Variants in BTNL3 observed in about 807,000 individuals in gnomAD.
The protein encoded by BTNL3 is butyrophilin like 3.
In BTNL3, 20 loss-of-function variants were observed where a neutral mutation model predicts 40.1. That is an observed-to-expected ratio of 0.50 (90% confidence interval 0.35 to 0.72). The LOEUF is 0.72. Ranked by LOEUF, BTNL3 falls within the 30% of genes least tolerant of loss-of-function variation. BTNL3 has a pLI of 0.01. For synonymous variants in BTNL3, 179 were observed against 222.1 expected, an observed-to-expected ratio of 0.81 and a Z score of 1.73; for missense variants, 449 against 582.2, an observed-to-expected ratio of 0.77 and a Z score of 2.35.
At chr5:180,992,271 C>T (rs554240288) in intron 1 of BTNL3, among the ~76,000 whole-genome samples, 4 of 137,138 alleles carry the variant, frequency 2.9e-5, no homozygotes, top group Middle Eastern at 3.5e-3. Context: ...TGTGCTTCAG[C>T]GGAGAATATA....
At position 181,002,152 on chromosome 5, in the gene BTNL3, C is replaced by A. The variant is rs1005562572; in HGVS notation, c.674-520C>A. Among the ~76,000 whole-genome samples, 58 of 132,832 alleles carry A rather than the reference C, an allele frequency of 4.4e-4. 12 individuals are homozygous for A. The highest frequency in any genetic ancestry group is 8.9e-4 in the Non-Finnish European group (52 of 58,518). The allele number at this position is 132,832 out of a possible 152,430, so 87.1% of individuals were successfully genotyped here. On this transcript the variant is annotated intron_variant, in intron 3 of 7. Transcript: ENST00000342868. ...ATTAAGCCAATTAAAATTATTGGCACAGAGATAACCCTATGGATCAATGAG... is the reference window on the plus strand; with the variant it reads ...ATTAAGCCAATTAAAATTATTGGCAAAGAGATAACCCTATGGATCAATGAG...
Position 181,005,357 on chromosome 5 carries a change from A to T in BTNL3, c.886A>T (p.Thr296Ser), listed in dbSNP as rs1165400349. The T allele has an allele frequency of 6.2e-7, 1 of 1,611,700 alleles. No individual in the cohort carries two copies. The highest frequency in any genetic ancestry group is 8.5e-7 in the Non-Finnish European group (1 of 1,179,356). ...AGTGGAGGTGACTCTGGATCCAGAG[A>T]CGGCTCACCCGAAGCTCTGCGTTTC... is the stretch of plus-strand genomic sequence containing the variant. Reference protein sequence around the residue: ...HAVEVTLDPETAHPKLCVSDL... With the variant: ...HAVEVTLDPESAHPKLCVSDL... Residue 296 changes from threonine (T) to serine (S), a missense_variant, in exon 8 of 8, where the codon ACG becomes TCG. Thr to Ser is a moderately conservative substitution (Grantham distance 58). Around this residue, in one of 2 missense-constraint regions of BTNL3, gnomAD observed 323 missense variants for 464.9 expected, o/e 0.69. Coordinates refer to ENST00000342868, the MANE Select transcript of BTNL3 (RefSeq NM_197975.3).
intron 4 of BTNL3, among the ~76,000 whole-genome samples, chr5:181,003,147 G>A (rs1760153568): frequency 7.4e-6 from 1 of 135,714 alleles, no homozygotes; most frequent in Non-Finnish European, 1.7e-5. Context: ...CTTGAGCCCA[G>A]GAGTGTAAGA....
chr5:181,005,237 C>G lies in BTNL3; in HGVS notation c.863-97C>G, dbSNP rs571246622. On this transcript the variant is annotated intron_variant, in intron 7 of 7. Coordinates refer to ENST00000342868, the MANE Select transcript of BTNL3 (RefSeq NM_197975.3). ...GGATAGTGGGACTGGCCGGATCCTA[C>G]CCGGAGCCAGTCTGCAGTGGGAGGG... is the stretch of plus-strand genomic sequence containing the variant. The G allele has an allele frequency of 1.3e-5, 21 of 1,581,790 alleles. No individual in the cohort carries two copies. The African/African-American group carries it at 2.7e-4, about 20-fold the overall frequency.
At position 180,988,989 on chromosome 5, in the gene BTNL3, A is replaced by G. The variant is rs761134693; in HGVS notation, c.-40A>G. 1 of 1,434,260 alleles carries G rather than the reference A, an allele frequency of 7.0e-7. No individual in the cohort carries two copies. The highest frequency in any genetic ancestry group is 9.6e-7 in the Non-Finnish European group (1 of 1,043,606). The allele number at this position is 1,434,260 out of a possible 1,614,324, so 88.8% of individuals were successfully genotyped here. On this transcript the variant is annotated 5_prime_UTR_variant, in exon 1 of 8. Coordinates refer to ENST00000342868, the MANE Select transcript of BTNL3 (RefSeq NM_197975.3). ...AAATCATCCATCCACCCCTGCTGTC[A>G]TCTGTTTTCATAGTGTGAGATCAAC...
Position 181,005,900 on chromosome 5 carries a change from C to T in BTNL3, c.*28C>T. 6.4e-7 allele frequency: 1 copy of T among 1,556,298 alleles called. No individual in the cohort carries two copies. Among genetic ancestry groups the T allele is most frequent in the African/African-American group, 1.4e-5 (1 of 73,336 alleles). On this transcript the variant is annotated 3_prime_UTR_variant, in exon 8 of 8. Transcript: ENST00000342868. ...CAGAGAAGACCCTGCTTAAAGGGCCCCACACCACAGACCCAGACACAGCCA... is the reference window on the plus strand; with the variant it reads ...CAGAGAAGACCCTGCTTAAAGGGCCTCACACCACAGACCCAGACACAGCCA...
chr5:181,005,763 C>T lies in BTNL3; in HGVS notation c.1292C>T (p.Thr431Ile). The T allele has an allele frequency of 6.2e-7, 1 of 1,614,126 alleles. No homozygotes were observed. The highest frequency in any genetic ancestry group is 8.5e-7 in the Non-Finnish European group (1 of 1,180,016). The change falls in exon 8 of 8, where the codon ACC (threonine) becomes ATC (isoleucine). Residue 431 changes from threonine to isoleucine, a missense_variant. This residue lies in a region of BTNL3 where 126 missense variants were observed against 117.2 expected (regional missense o/e 1.07). Transcript: ENST00000342868. ...ACAAATGACCAGTCCCTTATTTATA[C>T]CCTGCTGACATGTCAGTTTGAAGGC... ...FNTNDQSLIY[T>I]LLTCQFEGLL... is the part of the protein sequence containing the mutation.
chr5:181,004,808 G>A lies in BTNL3; in HGVS notation c.862+46G>A, dbSNP rs548740876. ...AACAGTGGGCATGGAGTAGGAAGAT[G>A]ACCAGTGACAGATATGGAGCCCATC... On this transcript the variant is annotated intron_variant, in intron 7 of 7. Coordinates refer to ENST00000342868, the MANE Select transcript of BTNL3 (RefSeq NM_197975.3). 8.1e-6 allele frequency: 13 copies of A among 1,614,092 alleles called. No individual in the cohort carries two copies. In the Admixed American group the frequency reaches 1.7e-4, roughly 21 times the overall value.
rs1759970927 is a variant in BTNL3 at position 180,991,470 on chromosome 5, G to A, written c.50-1343G>A. 1.5e-5 allele frequency among the ~76,000 whole-genome samples: 2 copies of A among 136,538 alleles called. 1 individual carries two copies. Among genetic ancestry groups the A allele is most frequent in the South Asian group, 4.4e-4 (2 of 4,590 alleles). 89.6% of individuals were successfully genotyped at this position (136,538 alleles called of 152,430 possible). ...GGTACTTAGAAGGTGAAGGGAGTGG[G>A]CCTCCATCGTTTGTGGTCTCTCTAA... is the stretch of plus-strand genomic sequence containing the variant. On this transcript the variant is annotated intron_variant, in intron 1 of 7. Coordinates refer to ENST00000342868, the MANE Select transcript of BTNL3 (RefSeq NM_197975.3).
Position 181,005,989 on chromosome 5 carries a change from G to A in BTNL3, c.*117G>A, listed in dbSNP as rs117719836. On this transcript the variant is annotated 3_prime_UTR_variant, in exon 8 of 8. Coordinates refer to ENST00000342868, the MANE Select transcript of BTNL3 (RefSeq NM_197975.3). The stretch of plus-strand genomic sequence containing the variant: ...CCGGAGCCTGCGCACAGAGAGTCAC[G>A]CCCCCCACTCTCCTTTAGGGAGCTG... 9.2e-5 allele frequency: 107 copies of A among 1,162,726 alleles called. No homozygotes were observed. The East Asian group carries it at 2.3e-3, about 25-fold the overall frequency. The allele number at this position is 1,162,726 out of a possible 1,614,324, so 72.0% of individuals were successfully genotyped here.
chr5:180,990,121 C>G lies in BTNL3; in HGVS notation c.49+1044C>G, dbSNP rs906332093. Reference sequence around the variant, plus strand: ...GTTGCAGTGTGCCAAGATCGTGCCACTGCACTCCAACCTGGGTGACAGAGT... The same window carrying G: ...GTTGCAGTGTGCCAAGATCGTGCCAGTGCACTCCAACCTGGGTGACAGAGT... On this transcript the variant is annotated intron_variant, in intron 1 of 7. Transcript: ENST00000342868. 1.5e-5 allele frequency among the ~76,000 whole-genome samples: 2 copies of G among 136,982 alleles called. 1 individual carries two copies. The highest frequency in any genetic ancestry group is 3.3e-5 in the Non-Finnish European group (2 of 59,830). 89.9% of individuals were successfully genotyped at this position (136,982 alleles called of 152,430 possible). A position where few individuals can be genotyped will look rare whatever the true frequency, so the allele number is the denominator to read the frequency against.
Position 180,997,037 on chromosome 5 carries a change from A to G in BTNL3, c.398-176A>G, listed in dbSNP as rs1462851666. 2.9e-5 allele frequency among the ~76,000 whole-genome samples: 4 copies of G among 136,540 alleles called. 1 individual carries two copies. Among genetic ancestry groups the G allele is most frequent in the African/African-American group, 1.0e-4 (4 of 39,664 alleles). 89.6% of individuals were successfully genotyped at this position (136,540 alleles called of 152,430 possible). On this transcript the variant is annotated intron_variant, in intron 2 of 7. Coordinates refer to ENST00000342868, the MANE Select transcript of BTNL3 (RefSeq NM_197975.3). ...GAGTGGATGTGTGTGTAAGAGAGAG[A>G]GAGAGAAAAAGATGTGTGTGTAAGA...
At chr5:180,993,508 T>G (rs574174815) in intron 2 of BTNL3, among the ~76,000 whole-genome samples, 2 of 137,548 alleles carry the variant, frequency 1.5e-5, no homozygotes, top group South Asian at 2.2e-4. Flanking sequence ...TACTAAACTT[T>G]TTTTAGGATT....
rs1374950140 is a variant in BTNL3, at chr5:180,997,443, C to A, written c.628C>A (p.Leu210Ile). 2 of 1,463,306 alleles carry A rather than the reference C, an allele frequency of 1.4e-6. 1 individual carries two copies. The highest frequency in any genetic ancestry group is 1.9e-6 in the Non-Finnish European group (2 of 1,058,976). 90.6% of individuals were successfully genotyped at this position (1,463,306 alleles called of 1,614,324 possible). A position where few individuals can be genotyped will look rare whatever the true frequency, so the allele number is the denominator to read the frequency against. The change falls in exon 3 of 8, where the codon CTT becomes ATT. Residue 210 changes from leucine (L) to isoleucine (I), a missense_variant. Leu to Ile is a conservative substitution (Grantham distance 5, BLOSUM62 2). This residue lies in a region of BTNL3 where 323 missense variants were observed against 464.9 expected (regional missense o/e 0.69). Transcript: ENST00000342868. ...NAGSILCSIH[L>I]AEQSHEVESK... ...TGGGAGCATATTGTGTTCCATCCAC[C>A]TTGCTGAGCAGAGTCATGAGGTGGA... is the stretch of plus-strand genomic sequence containing the variant.
Position 181,005,988 on chromosome 5 carries a change from C to T in BTNL3, c.*116C>T, listed in dbSNP as rs184963435. ...TCCGGAGCCTGCGCACAGAGAGTCA[C>T]GCCCCCCACTCTCCTTTAGGGAGCT... is the stretch of plus-strand genomic sequence containing the variant. On this transcript the variant is annotated 3_prime_UTR_variant, in exon 8 of 8. Coordinates refer to ENST00000342868, the MANE Select transcript of BTNL3 (RefSeq NM_197975.3). 2,813 of 1,158,876 alleles carry T rather than the reference C, an allele frequency of 2.4e-3. 7 individuals carry two copies. The highest frequency in any genetic ancestry group is 3.1e-3 in the Non-Finnish European group (2,613 of 837,906). The allele number at this position is 1,158,876 out of a possible 1,614,324, so 71.8% of individuals were successfully genotyped here.
chr5:180,994,881 G>A (rs978411403), intron 2 of BTNL3, among the ~76,000 whole-genome samples: 2 of 134,338 alleles, frequency 1.5e-5, no homozygotes, highest in African/African-American at 5.1e-5. Context: ...TGCCTTCCGG[G>A]TTCACGCCAT....
rs56895500 is a variant in BTNL3, at chr5:181,002,471, A to AATATATATATATATATAT, written c.674-184_674-167dup. On this transcript the variant is annotated intron_variant, in intron 3 of 7. Coordinates refer to ENST00000342868, the MANE Select transcript of BTNL3 (RefSeq NM_197975.3). Reference sequence around the variant, plus strand: ...TAACGCGCACACACACACACACGTGAATATATATATATATATATATATATA... The same window carrying AATATATATATATATATAT: ...TAACGCGCACACACACACACACGTGAATATATATATATATATATATATATATATATATATATATATATA... 2.6e-3 allele frequency among the ~76,000 whole-genome samples: 193 copies of AATATATATATATATATAT among 73,824 alleles called. 4 individuals carry two copies. The highest frequency in any genetic ancestry group is 3.5e-3 in the Non-Finnish European group (118 of 33,576). 48.4% of individuals were successfully genotyped at this position (73,824 alleles called of 152,430 possible).
In BTNL3 at chr5:181,005,859, T is replaced by C. The variant is rs1175936729; in HGVS notation, c.1388T>C (p.Val463Ala). The change falls in exon 8 of 8, where the codon GTG becomes GCG. Residue 463 changes from valine (V) to alanine (A), a missense_variant. Val to Ala is a moderately conservative substitution (Grantham distance 64). Transcript: ENST00000342868. ...GGGACTCCCATATTCATATGTCCAG[T>C]GTCCTGGGGATGAGACAGAGAAGAC... is the stretch of plus-strand genomic sequence containing the variant. The part of the protein sequence containing the change: ...EKGTPIFICP[V>A]SWG 1.9e-6 allele frequency: 3 copies of C among 1,604,330 alleles called. No individual in the cohort carries two copies. The highest frequency in any genetic ancestry group is 1.1e-5 in the South Asian group (1 of 88,954).
In BTNL3 at chr5:181,006,013, T is replaced by C. The variant is rs1346313492; in HGVS notation, c.*141T>C. ...CGCCCCCCACTCTCCTTTAGGGAGC[T>C]GAGGTTCTTCTGCCCTGAGCCCTGC... On this transcript the variant is annotated 3_prime_UTR_variant, in exon 8 of 8. Coordinates refer to ENST00000342868, the MANE Select transcript of BTNL3 (RefSeq NM_197975.3). 5.1e-6 allele frequency: 5 copies of C among 974,074 alleles called. No individual in the cohort carries two copies. Among genetic ancestry groups the C allele is most frequent in the Non-Finnish European group, 7.4e-6 (5 of 679,722 alleles). The allele number at this position is 974,074 out of a possible 1,614,324, so 60.3% of individuals were successfully genotyped here.
Sources: gnomAD v4.1 joint callset for allele counts (sites outside exome capture counted in the v4.1 genomes callset) on GRCh38, gnomAD v4.1.1 for gene constraint, gnomAD v4.1.1 regional missense constraint, MANE v1.5 for transcripts, NCBI Gene and HGNC (gene_info 2026-07-23, HGNC 2026-07-21) for gene names.